The following PDE4B variants were observed in gnomAD, a reference collection of about 807,000 sequenced individuals.
PDE4B encodes phosphodiesterase 4B.
A neutral mutation model predicts 82.2 loss-of-function variants in PDE4B; 20 were observed. The observed-to-expected ratio is 0.24, with a 90% CI of 0.17 to 0.35. PDE4B has a LOEUF of 0.35. PDE4B is among the 10% of genes least tolerant of loss of function. The pLI is 1.00. For synonymous variants in PDE4B, 320 were observed against 318.9 expected (o/e 1.00, Z -0.04); for missense variants, 655 against 907.2 (o/e 0.72, Z 3.57).
intron 3 of PDE4B, among the ~76,000 whole-genome samples, chr1:66,019,220 G>A (rs1386247299): frequency 6.6e-6 from 1 of 151,904 alleles, no homozygotes; most frequent in Admixed American, 6.6e-5. Context: ...AATCAATTAA[G>A]GAACTGAAGC....
intron 1 of PDE4B, among the ~76,000 whole-genome samples, chr1:65,815,909 A>G (rs932279158): frequency 2.6e-5 from 4 of 152,188 alleles, no homozygotes; most frequent in African/African-American, 9.6e-5. Context: ...GACTTCAGCT[A>G]CAGTACCTTG....
At chr1:65,971,999 T>C (rs1266045113) in intron 3 of PDE4B, among the ~76,000 whole-genome samples, 3 of 152,214 alleles carry the variant, frequency 2.0e-5, no homozygotes, top group African/African-American at 7.2e-5. Flanking sequence ...CCAAGATATA[T>C]CCATCATTAT....
chr1:65,847,885 G>C, intron 1 of PDE4B, among the ~76,000 whole-genome samples: 1 of 152,058 alleles, frequency 6.6e-6, no homozygotes, highest in East Asian at 1.9e-4. Flanking sequence ...AATGAATGGG[G>C]GAGTTAATGT....
intron 3 of PDE4B, among the ~76,000 whole-genome samples, chr1:66,067,313 A>G (rs1045831180): frequency 3.3e-5 from 5 of 152,156 alleles, no homozygotes; most frequent in Admixed American, 3.3e-4. Context: ...CAACAGTGTA[A>G]AAGTGTTCCT....
intron 4 of PDE4B, among the ~76,000 whole-genome samples, chr1:66,250,821 C>A (rs991009375): frequency 6.6e-6 from 1 of 152,172 alleles, no homozygotes; most frequent in Non-Finnish European, 1.5e-5. Flanking sequence ...TATCCACCTG[C>A]AAAGCCACAG....
chr1:65,949,837 A>G (rs958284883), intron 3 of PDE4B, among the ~76,000 whole-genome samples: 25 of 151,958 alleles, frequency 1.6e-4, no homozygotes, highest in Non-Finnish European at 2.9e-4. Flanking sequence ...TTTCAGGTGC[A>G]TAGGACTCAG....
At chr1:66,214,340 T>G (rs1650289171) in intron 3 of PDE4B, among the ~76,000 whole-genome samples, 2 of 152,156 alleles carry the variant, frequency 1.3e-5, no homozygotes, top group Non-Finnish European at 2.9e-5. Flanking sequence ...CTTCTGGCTT[T>G]TTTTTCCCTG....
chr1:66,167,013 A>G (rs1570383312), intron 3 of PDE4B, among the ~76,000 whole-genome samples: 1 of 152,194 alleles, frequency 6.6e-6, no homozygotes, highest in Non-Finnish European at 1.5e-5. Flanking sequence ...ATTGCTTCAC[A>G]CCCACTAGGA....
At chr1:65,858,747 C>T (rs1646422254) in intron 1 of PDE4B, among the ~76,000 whole-genome samples, 1 of 152,072 alleles carries the variant, frequency 6.6e-6, no homozygotes, top group Non-Finnish European at 1.5e-5. Flanking sequence ...TTGAGACTGA[C>T]TGTTTTAGCA....
intron 1 of PDE4B, among the ~76,000 whole-genome samples, chr1:65,852,014 C>T (rs1646338046): frequency 6.6e-6 from 1 of 151,980 alleles, no homozygotes; most frequent in Non-Finnish European, 1.5e-5. Context: ...CAGTGAATTA[C>T]ACTGATTGAT....
At chr1:65,924,811 A>G (rs1486546421) in intron 3 of PDE4B, among the ~76,000 whole-genome samples, 1 of 152,238 alleles carries the variant, frequency 6.6e-6, no homozygotes, top group Non-Finnish European at 1.5e-5. Context: ...TCATAGACCT[A>G]TGTGAAGGCT....
chr1:66,248,740 G>T (rs945651015), intron 4 of PDE4B, among the ~76,000 whole-genome samples: 2 of 152,198 alleles, frequency 1.3e-5, no homozygotes, highest in South Asian at 4.1e-4. Context: ...CAAAAAATGT[G>T]CATGCTGTCA....
At chr1:66,204,630 C>T (rs1202995303) in intron 3 of PDE4B, among the ~76,000 whole-genome samples, 2 of 152,346 alleles carry the variant, frequency 1.3e-5, no homozygotes, top group East Asian at 1.9e-4. Flanking sequence ...ACTCCATGGG[C>T]GTAGGATCCT....
intron 7 of PDE4B, among the ~76,000 whole-genome samples, chr1:66,303,804 G>A (rs2101845460): frequency 6.6e-6 from 1 of 152,262 alleles, no homozygotes; most frequent in Non-Finnish European, 1.5e-5. Context: ...ACTTAACCAT[G>A]ACACTTGGCC....
chr1:65,949,628 C>A (rs1648891585), intron 3 of PDE4B, among the ~76,000 whole-genome samples: 1 of 152,064 alleles, frequency 6.6e-6, no homozygotes, highest in Admixed American at 6.6e-5. Context: ...TTCTTTTCTG[C>A]TTTACCTGTC....
intron 7 of PDE4B, chr1:66,332,091 A>C: frequency 8.7e-7 from 1 of 1,155,926 alleles, no homozygotes; most frequent in Non-Finnish European, 1.1e-6. Context: ...TGAGATGGCA[A>C]AGCACTCAGA....
chr1:65,908,327 G>A (rs926859435), intron 1 of PDE4B, among the ~76,000 whole-genome samples: 3 of 152,120 alleles, frequency 2.0e-5, no homozygotes, highest in African/African-American at 4.8e-5. Flanking sequence ...TTGCGATGTA[G>A]TCTGCAATGT....
At chr1:66,246,937 G>A (rs2101673749) in intron 3 of PDE4B, among the ~76,000 whole-genome samples, 1 of 152,348 alleles carries the variant, frequency 6.6e-6, no homozygotes, top group Non-Finnish European at 1.5e-5. Context: ...AGGTTGTCAG[G>A]ATAACACTTT....
At chr1:66,160,440 C>T (rs1646588290) in intron 3 of PDE4B, among the ~76,000 whole-genome samples, 1 of 152,094 alleles carries the variant, frequency 6.6e-6, no homozygotes, top group Non-Finnish European at 1.5e-5. Context: ...GGATGCAACC[C>T]CCAACGCATA....
Sources: gnomAD v4.1 joint callset for allele counts (sites outside exome capture counted in the v4.1 genomes callset) on GRCh38, gnomAD v4.1.1 for gene constraint, MANE v1.5 for transcripts, NCBI Gene and HGNC (gene_info 2026-07-23, HGNC 2026-07-21) for gene names.